Variants in SLC38A11 observed in about 807,000 individuals in gnomAD.
SLC38A11 encodes putative sodium-coupled neutral amino acid transporter 11.
A neutral mutation model predicts 49.4 loss-of-function variants in SLC38A11; 51 were observed. That is an observed-to-expected ratio of 1.03 (90% CI 0.83 to 1.30). The LOEUF (loss-of-function observed/expected upper bound fraction) is 1.30. SLC38A11 is among the 50% of genes most tolerant of loss of function. The pLI is 0.00. For missense variants in SLC38A11, 574 were observed against 556.2 expected, an observed-to-expected ratio of 1.03 and a Z score of -0.32; for synonymous variants, 203 against 192.9, an observed-to-expected ratio of 1.05 and a Z score of -0.43.
chr2:164,954,522 C>T (rs916453230), intron 2 of SLC38A11, 109 bp downstream of exon 2: 6 of 503,074 alleles, frequency 1.2e-5, no homozygotes, highest in African/African-American at 5.9e-5. Context: ...TACCAATTTT[C>T]TTATTTAAGT....
intron 7 of SLC38A11, among the ~76,000 whole-genome samples, chr2:164,919,164 T>C (rs1465906388): frequency 6.6e-6 from 1 of 151,948 alleles, no homozygotes; most frequent in Non-Finnish European, 1.5e-5. Flanking sequence ...ATCCAGGCTC[T>C]ACAAAAAATA....
Position 164,895,399 on chromosome 2 carries a change from C to T in SLC38A11, c.*3038G>A, listed in dbSNP as rs1163306819. Among the ~76,000 whole-genome samples the T allele has an allele frequency of 2.6e-5, 4 of 152,154 alleles. No individual in the cohort carries two copies. The highest frequency in any genetic ancestry group is 2.6e-4 in the Admixed American group (4 of 15,266). ...CCTCATGGTCACTCATTGATTCATGCTTGGGCCACCTGACAACATTTGCTC... is the reference window on the plus strand; with the variant it reads ...CCTCATGGTCACTCATTGATTCATGTTTGGGCCACCTGACAACATTTGCTC... On this transcript the variant is annotated 3_prime_UTR_variant, in exon 12 of 12. Transcript: ENST00000685975.
At chr2:164,911,576 C>A (rs1186966260) in intron 10 of SLC38A11, 60 bp downstream of exon 10, 11 of 789,244 alleles carry the variant, frequency 1.4e-5, no homozygotes, top group Non-Finnish European at 2.1e-5. Context: ...ATAAATCTTC[C>A]TAAATTAAAT....
rs746192064 is a variant in SLC38A11, at chr2:164,908,666, A to G, written c.1069T>C (p.Cys357Arg). The change falls in exon 11 of 12, where the codon TGC becomes CGC. Residue 357 changes from cysteine to arginine, a missense_variant. Physicochemically the swap from Cys to Arg is radical, Grantham distance 180. Transcript: ENST00000685975. ...VATLVSLLID[C>R]LGIVLELNGV... ...TTGAGTTCTAGAACTATCCCGAGGCAATCAATCAGCAATGACACAAGCGTG... is the reference window on the plus strand; with the variant it reads ...TTGAGTTCTAGAACTATCCCGAGGCGATCAATCAGCAATGACACAAGCGTG... The G allele has an allele frequency of 6.2e-7, 1 of 1,604,674 alleles. No homozygotes were observed. Among genetic ancestry groups the G allele is most frequent in the Non-Finnish European group, 8.5e-7 (1 of 1,174,936 alleles).
chr2:164,922,150 A>C (rs1275711556), intron 7 of SLC38A11: 3 of 152,192 alleles, frequency 2.0e-5, no homozygotes. Context: ...TAGACTGATA[A>C]AAAGGAGCCT....
intron 11 of SLC38A11, among the ~76,000 whole-genome samples, chr2:164,904,644 A>C (rs1684873846): frequency 6.6e-6 from 1 of 152,192 alleles, no homozygotes; most frequent in Non-Finnish European, 1.5e-5. Context: ...CTACATTTCT[A>C]AATTACTACA....
chr2:164,903,808 G>T (rs1684817258), intron 11 of SLC38A11, among the ~76,000 whole-genome samples: 1 of 152,136 alleles, frequency 6.6e-6, no homozygotes, highest in Admixed American at 6.5e-5. Flanking sequence ...AGAGTATTTT[G>T]CAGTTTGCTG....
Position 164,895,803 on chromosome 2 carries a change from A to G in SLC38A11, c.*2634T>C, listed in dbSNP as rs1331370661. Reference sequence around the variant, plus strand: ...AGTTTACCCATTCTGATGTTTGAAGATGGTTCAAGTTAGTTTTGATAATAA... The same window carrying G: ...AGTTTACCCATTCTGATGTTTGAAGGTGGTTCAAGTTAGTTTTGATAATAA... On this transcript the variant is annotated 3_prime_UTR_variant, in exon 12 of 12. Transcript: ENST00000685975. 3.3e-5 allele frequency: 5 copies of G among 152,188 alleles called. No homozygotes were observed. The highest frequency in any genetic ancestry group is 6.6e-5 in the Admixed American group (1 of 15,266). The allele number at this position is 152,188 out of a possible 1,614,324, so 9.4% of individuals were successfully genotyped here. A position where few individuals can be genotyped will look rare whatever the true frequency, so the allele number is the denominator to read the frequency against.
At chr2:164,926,141 CTT>C (rs1259962427) in intron 7 of SLC38A11, among the ~76,000 whole-genome samples, 1 of 152,142 alleles carries the variant, frequency 6.6e-6, no homozygotes, top group Non-Finnish European at 1.5e-5. Flanking sequence ...CCTTCCAGGT[CTT>C]TATATTCCCA....
rs538338283 is a variant in SLC38A11, at chr2:164,943,374, G to T, written c.430+1195C>A. On this transcript the variant is annotated intron_variant, in intron 5 of 11. Coordinates refer to ENST00000685975, the MANE Select transcript of SLC38A11 (RefSeq NM_001351537.2). ...TGAACTGGGTGATAGATACACTATT[G>T]TACATCCATAAAATGAAATGCTTCT... is the stretch of plus-strand genomic sequence containing the variant. Among the ~76,000 whole-genome samples the T allele has an allele frequency of 4.6e-5, 7 of 152,248 alleles. No homozygotes were observed. In the East Asian group the frequency reaches 1.4e-3, roughly 29 times the overall value.
At chr2:164,937,713 G>A (rs548922447) in intron 6 of SLC38A11, 20 of 225,954 alleles carry the variant, frequency 8.9e-5, no homozygotes, top group African/African-American at 4.1e-4. Flanking sequence ...GCTCCTGCAT[G>A]GAATACAAAA....
chr2:164,939,217 T>G (rs17353652), intron 6 of SLC38A11, among the ~76,000 whole-genome samples: 10,447 of 152,140 alleles, frequency 0.069, 391 homozygotes, highest in Admixed American at 0.1. Flanking sequence ...CTGACATCAG[T>G]GTATCTACCT....
At chr2:164,904,254 C>CT (rs976652782) in intron 11 of SLC38A11, among the ~76,000 whole-genome samples, 4 of 152,166 alleles carry the variant, frequency 2.6e-5, no homozygotes, top group African/African-American at 9.7e-5. Flanking sequence ...GCAGATGCCT[C>CT]TTTTCTCCAA....
At position 164,898,635 on chromosome 2, in the gene SLC38A11, C is replaced by G. The variant is rs1192456669; in HGVS notation, c.1191G>C (p.Met397Ile). ...EEPRTHSDKI[M>I]SCVMLPIGAV... Reference sequence around the variant, plus strand: ...CACCAATGGGAAGCATGACACAAGACATAATCTTATCGGAGTGTGTCCTTG... The same window carrying G: ...CACCAATGGGAAGCATGACACAAGAGATAATCTTATCGGAGTGTGTCCTTG... Residue 397 changes from methionine (M) to isoleucine (I), a missense_variant, in exon 12 of 12, where the codon ATG becomes ATC. By Grantham distance (10) the Met-to-Ile change is conservative. Transcript: ENST00000685975. The G allele has an allele frequency of 7.4e-6, 12 of 1,613,416 alleles. No individual in the cohort carries two copies. The highest frequency in any genetic ancestry group is 9.3e-6 in the Non-Finnish European group (11 of 1,179,692).
chr2:164,919,422 TAAAC>T (rs1012766253), intron 7 of SLC38A11, among the ~76,000 whole-genome samples: 12 of 152,124 alleles, frequency 7.9e-5, no homozygotes, highest in East Asian at 1.9e-4. Context: ...ATAATAAAGA[TAAAC>T]AATAAAATCA....
intron 8 of SLC38A11, 69 bp from the exon 9 acceptor site, chr2:164,915,342 A>G (rs1250726012): frequency 4.4e-6 from 6 of 1,378,396 alleles, no homozygotes; most frequent in Non-Finnish European, 3.0e-6. Flanking sequence ...TCTGAAATTC[A>G]GAGATATATA....
Position 164,915,903 on chromosome 2 carries a change from C to A in SLC38A11, c.688G>T (p.Ala230Ser). 1 of 1,598,672 alleles carries A rather than the reference C, an allele frequency of 6.3e-7. No homozygotes were observed. The highest frequency in any genetic ancestry group is 8.6e-7 in the Non-Finnish European group (1 of 1,168,812). The change falls in exon 8 of 12, where the codon GCA becomes TCA. Residue 230 changes from alanine (A) to serine (S), a missense_variant and splice_region_variant. By Grantham distance (99) the Ala-to-Ser change is moderately conservative. Transcript: ENST00000685975. The part of the protein sequence containing the change: ...AIQAVGVMSF[A>S]FICHHNSFLV... The stretch of plus-strand genomic sequence containing the variant: ...AGGGCCTTTGAAACCAAATACTCAC[C>A]AAAAGACATAACCCCGACCGCTTGA...
rs747820467 is a variant in SLC38A11 at position 164,898,513 on chromosome 2, G to C, written c.1313C>G (p.Ser438Cys). 1 of 1,613,518 alleles carries C rather than the reference G, an allele frequency of 6.2e-7. No homozygotes were observed. The highest frequency in any genetic ancestry group is 8.5e-7 in the Non-Finnish European group (1 of 1,179,660). Residue 438 changes from serine (S) to cysteine (C), a missense_variant, in exon 12 of 12, where the codon TCT becomes TGT. Transcript: ENST00000685975. ...ATGAGACTCTGAGGTATTTGTGAGA[G>C]AGAAATTGTCAGGAAAGCAGTAGAA... ...EMFYCFPDNF[S>C]LTNTSESHVQ...
intron 10 of SLC38A11, among the ~76,000 whole-genome samples, chr2:164,909,646 G>A (rs1007763729): frequency 6.6e-6 from 1 of 151,516 alleles, no homozygotes; most frequent in Non-Finnish European, 1.5e-5. Context: ...AGAATTATAG[G>A]CTGAGACAAG....
Sources: allele counts gnomAD v4.1 joint callset (sites outside exome capture counted in the v4.1 genomes callset), GRCh38; gene constraint gnomAD v4.1.1; transcripts MANE v1.5; gene names NCBI Gene and HGNC (gene_info 2026-07-23, HGNC 2026-07-21).